Variants in COLGALT1 observed in about 807,000 individuals in gnomAD.
The protein encoded by COLGALT1 is procollagen galactosyltransferase 1.
In COLGALT1, 43 loss-of-function variants were observed where a neutral mutation model predicts 60.8. The observed-to-expected ratio is 0.71, with a 90% confidence interval of 0.55 to 0.91. The LOEUF is 0.91. Among genes scored for constraint, COLGALT1 ranks in the 40% least tolerant of loss-of-function variants. The probability of loss-of-function intolerance (pLI) is 0.00; values close to 1 mark genes in which losing one functional copy is unlikely to be tolerated. For missense variants in COLGALT1, 845 were observed against 880.0 expected, an observed-to-expected ratio of 0.96 and a Z score of 0.50; for synonymous variants, 369 against 374.2, an observed-to-expected ratio of 0.99 and a Z score of 0.16.
At chr19:17,578,858 A>G (rs1272635767) in intron 9 of COLGALT1, among the ~76,000 whole-genome samples, 2 of 152,120 alleles carry the variant, frequency 1.3e-5, no homozygotes, top group Admixed American at 6.5e-5. Flanking sequence ...TAAAAATACA[A>G]AAATTATCTG....
rs976692797 is a variant in COLGALT1, at chr19:17,567,317, A to G, written c.490-89A>G. On this transcript the variant is annotated intron_variant, in intron 3 of 11. Transcript: ENST00000252599. ...GGGTGCTTCCAGAGGTCTTTGCCAG[A>G]CCCCCAGGGCACTGGCCTTTGCCCC... 6.5e-6 allele frequency: 10 copies of G among 1,548,444 alleles called. No homozygotes were observed. In the African/African-American group the frequency reaches 1.2e-4, roughly 19 times the overall value.
chr19:17,572,467 T>A lies in COLGALT1; in HGVS notation c.830-16T>A. 5.0e-6 allele frequency: 8 copies of A among 1,614,018 alleles called. No homozygotes were observed. Among genetic ancestry groups the A allele is most frequent in the Non-Finnish European group, 6.8e-6 (8 of 1,179,976 alleles). On this transcript the variant is annotated splice_polypyrimidine_tract_variant and intron_variant, in intron 5 of 11. Transcript: ENST00000252599. The stretch of plus-strand genomic sequence containing the variant: ...CCTGTTTTTACATTTGTCTGTTGCT[T>A]CCCTGCCCACTGCAGAGGTTCAGAT...
Position 17,568,546 on chromosome 19 carries a change from G to A in COLGALT1, c.662G>A (p.Arg221His), listed in dbSNP as rs200477437. The A allele has an allele frequency of 5.7e-5, 92 of 1,614,150 alleles. No individual in the cohort carries two copies. The highest frequency in any genetic ancestry group is 7.4e-5 in the Non-Finnish European group (87 of 1,180,026). Residue 221 changes from arginine to histidine, a missense_variant, in exon 5 of 12, where the codon CGC becomes CAC. Physicochemically the swap from Arg to His is conservative, Grantham distance 29. Coordinates refer to ENST00000252599, the MANE Select transcript of COLGALT1 (RefSeq NM_024656.4). ...CGCACACCTGCCTACATCCCTATCC[G>A]CAAGCGAGACCGCCGGGGCTGCTTT... is the stretch of plus-strand genomic sequence containing the variant. ...YKRTPAYIPIRKRDRRGCFAV... is the reference protein window; with the variant it reads ...YKRTPAYIPIHKRDRRGCFAV...
rs914528171 is a variant in COLGALT1 at position 17,581,851 on chromosome 19, T to A, written c.*407T>A. Reference sequence around the variant, plus strand: ...TAGTGATACACATTCATTTTTAAAATTCATTCAAGGATTTATTGAGTGCCT... The same window carrying A: ...TAGTGATACACATTCATTTTTAAAAATCATTCAAGGATTTATTGAGTGCCT... On this transcript the variant is annotated 3_prime_UTR_variant, in exon 12 of 12. Coordinates refer to ENST00000252599, the MANE Select transcript of COLGALT1 (RefSeq NM_024656.4). 1.5e-5 allele frequency: 3 copies of A among 199,104 alleles called. No homozygotes were observed. The highest frequency in any genetic ancestry group is 6.9e-5 in the African/African-American group (3 of 43,248). The allele number at this position is 199,104 out of a possible 1,614,324, so 12.3% of individuals were successfully genotyped here.
Position 17,577,447 on chromosome 19 carries a change from G to T in COLGALT1, c.1113G>T (p.Leu371=). The part of the protein sequence containing the change: ...ALQAQEIECR[L]VEAVDGKAMN... ...AGGCACAGGAGATCGAGTGCCGGCT[G>T]GTGGAGGCCGTGGACGGCAAGTGAG... The change falls in exon 8 of 12, where the codon CTG becomes CTT. Residue 371 remains leucine (L), a synonymous_variant. Coordinates refer to ENST00000252599, the MANE Select transcript of COLGALT1 (RefSeq NM_024656.4). 6.7e-7 allele frequency: 1 copy of T among 1,495,340 alleles called. No individual in the cohort carries two copies. The allele number at this position is 1,495,340 out of a possible 1,614,324, so 92.6% of individuals were successfully genotyped here. A position where few individuals can be genotyped will look rare whatever the true frequency, so the allele number is the denominator to read the frequency against.
At chr19:17,577,003 T>TGAGAGGCAGGACTGGGGGCGGGGAGGAGC in intron 6 of COLGALT1, 192 bp from the exon 7 acceptor site, 1 of 587,594 alleles carries the variant, frequency 1.7e-6, no homozygotes, top group South Asian at 2.0e-5. Flanking sequence ...TGGCCAGGGC[T>TGAGAGGCAGGACTGGGGGCGGGGAGGAGC]TTGGGCTGCT....
intron 10 of COLGALT1, chr19:17,580,032 T>G (rs1030039850): frequency 5.1e-6 from 1 of 197,530 alleles, no homozygotes; most frequent in African/African-American, 2.3e-5. Flanking sequence ...GGTCAAGGCT[T>G]AGAGACTTGA....
Position 17,581,765 on chromosome 19 carries a change from C to T in COLGALT1, c.*321C>T, listed in dbSNP as rs1486103410. 1 of 393,688 alleles carries T rather than the reference C, an allele frequency of 2.5e-6. No homozygotes were observed. Among genetic ancestry groups the T allele is most frequent in the East Asian group, 4.5e-5 (1 of 22,020 alleles). The allele number at this position is 393,688 out of a possible 1,614,324, so 24.4% of individuals were successfully genotyped here. A position where few individuals can be genotyped will look rare whatever the true frequency, so the allele number is the denominator to read the frequency against. Reference sequence around the variant, plus strand: ...CGGCAGTGAATGAGGCATAATTGTTCCCTCCATCAGCGATTGATTCAGTCA... The same window carrying T: ...CGGCAGTGAATGAGGCATAATTGTTTCCTCCATCAGCGATTGATTCAGTCA... On this transcript the variant is annotated 3_prime_UTR_variant, in exon 12 of 12. Coordinates refer to ENST00000252599, the MANE Select transcript of COLGALT1 (RefSeq NM_024656.4).
At position 17,570,305 on chromosome 19, in the gene COLGALT1, T is replaced by G. The variant is rs553060790; in HGVS notation, c.829+1592T>G. Among the ~76,000 whole-genome samples the G allele has an allele frequency of 5.3e-5, 8 of 152,302 alleles. No homozygotes were observed. In the East Asian group the frequency reaches 1.5e-3, roughly 29 times the overall value. ...CCCAGCCTGGAGTGCAGTGGTGTGATCGTAGCTCACTGCAGCCTCAACCTC... is the reference window on the plus strand; with the variant it reads ...CCCAGCCTGGAGTGCAGTGGTGTGAGCGTAGCTCACTGCAGCCTCAACCTC... On this transcript the variant is annotated intron_variant, in intron 5 of 11. Coordinates refer to ENST00000252599, the MANE Select transcript of COLGALT1 (RefSeq NM_024656.4).
intron 5 of COLGALT1, 116 bp from the exon 6 acceptor site, chr19:17,572,367 C>T: frequency 6.7e-7 from 1 of 1,499,556 alleles, no homozygotes; most frequent in Non-Finnish European, 9.1e-7. Flanking sequence ...TGGTCTCAGA[C>T]ACCTGACCTC....
intron 3 of COLGALT1, among the ~76,000 whole-genome samples, chr19:17,561,631 C>CAAAAAAAAAAAAAAAAAAAAAAAAAA (rs11332403): frequency 1.4e-5 from 1 of 72,732 alleles, no homozygotes; most frequent in Non-Finnish European, 2.5e-5. Context: ...GACTCTGTCT[C>CAAAAAAAAAAAAAAAAAAAAAAAAAA]AAAAAAAAAA....
chr19:17,579,572 C>T lies in COLGALT1; in HGVS notation c.1357C>T (p.Arg453Trp), dbSNP rs572639404. The T allele has an allele frequency of 4.3e-5, 63 of 1,466,350 alleles. No individual in the cohort carries two copies. Among genetic ancestry groups the T allele is most frequent in the African/African-American group, 8.9e-5 (6 of 67,300 alleles). 90.8% of individuals were successfully genotyped at this position (1,466,350 alleles called of 1,614,324 possible). A position where few individuals can be genotyped will look rare whatever the true frequency, so the allele number is the denominator to read the frequency against. ...CAAGAGACGTCTGATGAACCTCATG[C>T]GGGATGTGGAGCGGGAGGGCCTGGA... is the stretch of plus-strand genomic sequence containing the variant. ...FFKRRLMNLM[R>W]DVEREGLDWD... Residue 453 changes from arginine to tryptophan, a missense_variant, in exon 10 of 12, where the codon CGG becomes TGG. Transcript: ENST00000252599.
At chr19:17,575,663 A>G (rs1469269109) in intron 6 of COLGALT1, among the ~76,000 whole-genome samples, 2 of 151,146 alleles carry the variant, frequency 1.3e-5, no homozygotes, top group African/African-American at 4.9e-5. Flanking sequence ...ACAGGCATGA[A>G]CCACTGTGCC....
At chr19:17,573,560 ATGG>A (rs2076324701) in intron 6 of COLGALT1, among the ~76,000 whole-genome samples, 1 of 151,716 alleles carries the variant, frequency 6.6e-6, no homozygotes, top group South Asian at 2.1e-4. Flanking sequence ...TTAGTCCGAC[ATGG>A]TGGCACATGC....
chr19:17,575,208 C>G (rs1277924214), intron 6 of COLGALT1, among the ~76,000 whole-genome samples: 3 of 151,994 alleles, frequency 2.0e-5, no homozygotes, highest in Non-Finnish European at 4.4e-5. Context: ...TGCCACCACG[C>G]CTGGCTAATT....
chr19:17,573,914 C>T (rs10402157), intron 6 of COLGALT1, among the ~76,000 whole-genome samples: 27,020 of 151,758 alleles, frequency 0.18, 2,498 homozygotes, highest in Middle Eastern at 0.22. Context: ...CCCAGGAGGT[C>T]GAAGCTGCAG....
At chr19:17,559,977 A>G (rs1426000090) in intron 2 of COLGALT1, among the ~76,000 whole-genome samples, 1 of 152,056 alleles carries the variant, frequency 6.6e-6, no homozygotes, top group Non-Finnish European at 1.5e-5. Context: ...TTTTGTAGAG[A>G]TAGGGTCTCA....
chr19:17,562,872 G>A (rs965343461), intron 3 of COLGALT1, among the ~76,000 whole-genome samples: 4 of 152,138 alleles, frequency 2.6e-5, no homozygotes, highest in African/African-American at 4.8e-5. Flanking sequence ...CATCTAGGGA[G>A]GACGGATGGA....
chr19:17,570,185 G>T (rs868338202), intron 5 of COLGALT1, among the ~76,000 whole-genome samples: 2 of 151,874 alleles, frequency 1.3e-5, no homozygotes, highest in Non-Finnish European at 2.9e-5. Context: ...GAGCCACCGC[G>T]CCTGGCCCCA....
Sources: gnomAD v4.1 joint callset for allele counts (sites outside exome capture counted in the v4.1 genomes callset) on GRCh38, gnomAD v4.1.1 for gene constraint, MANE v1.5 for transcripts, NCBI Gene and HGNC (gene_info 2026-07-23, HGNC 2026-07-21) for gene names.